Variants in DMTN observed in about 807,000 individuals in gnomAD.
The protein encoded by DMTN is dematin actin binding protein, also known as dematin.
A neutral mutation model predicts 59.4 loss-of-function variants in DMTN; 27 were observed. That is an observed-to-expected ratio of 0.45 (90% confidence interval 0.33 to 0.63). DMTN has a LOEUF of 0.63. DMTN is among the 20% of genes least tolerant of loss of function. The pLI, the probability that DMTN is intolerant of heterozygous loss-of-function variation, is 0.02. For synonymous variants in DMTN, 221 were observed against 203.7 expected, an observed-to-expected ratio of 1.08 and a Z score of -0.72; for missense variants, 451 against 528.9, an observed-to-expected ratio of 0.85 and a Z score of 1.45.
chr8:22,080,587 G>C, intron 12 of DMTN, 31 bp from the exon 13 acceptor site: 1 of 1,611,712 alleles, frequency 6.2e-7, no homozygotes, highest in Non-Finnish European at 8.5e-7. Context: ...CCTCAGAGCT[G>C]CATCTGACCC....
intron 14 of DMTN, 35 bp from the exon 15 acceptor site, chr8:22,081,078 T>C (rs772270424): frequency 6.3e-7 from 1 of 1,585,394 alleles, no homozygotes; most frequent in Admixed American, 1.7e-5. Context: ...CAGGATATTC[T>C]GTGAGCCTAA....
At chr8:22,054,980 T>A (rs912008979), upstream of DMTN, 1 of 152,818 alleles carries the variant, frequency 6.5e-6, no homozygotes, top group Non-Finnish European at 1.5e-5. Flanking sequence ...GCTGCTGCGC[T>A]CCTGCCCCAC....
intron 6 of DMTN, 82 bp from the exon 7 acceptor site, chr8:22,069,799 C>T (rs2131042797): frequency 6.6e-7 from 1 of 1,510,006 alleles, no homozygotes; most frequent in South Asian, 1.1e-5. Flanking sequence ...CCACCTTGTC[C>T]CGTTCCATCA....
At position 22,079,273 on chromosome 8, in the gene DMTN, A is replaced by ATAT. The variant is rs1554562329; in HGVS notation, c.836-907_836-906insTAT. Among the ~76,000 whole-genome samples the ATAT allele has an allele frequency of 1.4e-3, 40 of 28,568 alleles. 1 individual carries two copies. Among genetic ancestry groups the ATAT allele is most frequent in the African/African-American group, 3.8e-3 (38 of 10,006 alleles). The allele number at this position is 28,568 out of a possible 152,430, so 18.7% of individuals were successfully genotyped here. ...AAAAATAAAAATAAATAAATAAATA[A>ATAT]ATAAATATATATATATATATATATA... On this transcript the variant is annotated intron_variant, in intron 10 of 15. Transcript: ENST00000358242.
In DMTN at chr8:22,067,686, A is replaced by T; in HGVS notation, c.249+4A>T. The T allele has an allele frequency of 6.2e-7, 1 of 1,613,430 alleles. No homozygotes were observed. Among genetic ancestry groups the T allele is most frequent in the African/African-American group, 1.3e-5 (1 of 75,034 alleles). ...GGAGCTGCCTCGCAGCCGCGAGGTGAGGGGGCTCCTCTTGGGCAGGACTCC... is the reference window on the plus strand; with the variant it reads ...GGAGCTGCCTCGCAGCCGCGAGGTGTGGGGGCTCCTCTTGGGCAGGACTCC... On this transcript the variant is annotated splice_donor_region_variant and intron_variant, in intron 4 of 15. Coordinates refer to ENST00000358242, the MANE Select transcript of DMTN (RefSeq NM_001387751.1).
At chr8:22,073,658 AAAAAAAAAAAGAG>A (rs1396729523) in intron 9 of DMTN, 59 bp from the exon 10 acceptor site, 47 of 656,268 alleles carry the variant, frequency 7.2e-5, no homozygotes, top group African/African-American at 1.5e-4. Flanking sequence ...AAAAAGAAAG[AAAAAAAAAAAGAG>A]AAAAAAGAAA....
chr8:22,069,219 C>A (rs1037862024), intron 5 of DMTN, 159 bp downstream of exon 5: 2 of 957,976 alleles, frequency 2.1e-6, no homozygotes, highest in East Asian at 5.4e-5. Flanking sequence ...ATCATTCTGT[C>A]GGACCCAGGA....
chr8:22,079,627 C>T (rs1250037620), intron 10 of DMTN, among the ~76,000 whole-genome samples: 2 of 151,558 alleles, frequency 1.3e-5, no homozygotes, highest in African/African-American at 2.4e-5. Context: ...TGGCCGGGCA[C>T]GGTGTATTTT....
intron 1 of DMTN, among the ~76,000 whole-genome samples, chr8:22,064,583 T>A (rs1052798067): frequency 6.6e-6 from 1 of 152,108 alleles, no homozygotes; most frequent in East Asian, 1.9e-4. Context: ...CTCAGCCTCC[T>A]GAGTAGCTGG....
chr8:22,057,542 C>T (rs895852552), intron 1 of DMTN, among the ~76,000 whole-genome samples: 11 of 152,154 alleles, frequency 7.2e-5, no homozygotes, highest in Non-Finnish European at 4.4e-5. Flanking sequence ...GGGGTTGGAG[C>T]AGTACATTTA....
chr8:22,062,258 T>A (rs1807116962), intron 1 of DMTN, among the ~76,000 whole-genome samples: 1 of 150,140 alleles, frequency 6.7e-6, no homozygotes. Flanking sequence ...CCCAGCTAAT[T>A]AAAAAAAAAA....
chr8:22,076,713 G>T (rs1296897166), intron 10 of DMTN, among the ~76,000 whole-genome samples: 3 of 151,638 alleles, frequency 2.0e-5, no homozygotes, highest in Non-Finnish European at 4.4e-5. Flanking sequence ...ACTATTTTGG[G>T]TGACACCTGG....
intron 1 of DMTN, among the ~76,000 whole-genome samples, chr8:22,065,679 C>T (rs1192316802): frequency 6.6e-6 from 1 of 152,064 alleles, no homozygotes; most frequent in Non-Finnish European, 1.5e-5. Context: ...CCCATCGCTA[C>T]TGAAAATACA....
rs528871082 is a variant in DMTN, at chr8:22,059,804, G to A, written c.-172+2668G>A. 4.6e-5 allele frequency among the ~76,000 whole-genome samples: 7 copies of A among 152,330 alleles called. No individual in the cohort carries two copies. The South Asian group carries it at 1.0e-3, about 23-fold the overall frequency. ...AGCTAGACCAGGGGCCCTCCACCCC[G>A]AAGTTGCCATTCTGCCTGCGGAGGC... On this transcript the variant is annotated intron_variant, in intron 1 of 15. Coordinates refer to ENST00000358242, the MANE Select transcript of DMTN (RefSeq NM_001387751.1).
rs1811009534 is a variant in DMTN at position 22,066,829 on chromosome 8, C to T, written c.-47C>T. The stretch of plus-strand genomic sequence containing the variant: ...AGCCTGACACGCTGTCCTCTCCCCT[C>T]GCGCACAGGGCTCTGCGAGTGACCC... On this transcript the variant is annotated 5_prime_UTR_variant, in exon 2 of 16. Coordinates refer to ENST00000358242, the MANE Select transcript of DMTN (RefSeq NM_001387751.1). 9 of 1,424,168 alleles carry T rather than the reference C, an allele frequency of 6.3e-6. No individual in the cohort carries two copies. The highest frequency in any genetic ancestry group is 5.5e-5 in the South Asian group (4 of 73,026). The allele number at this position is 1,424,168 out of a possible 1,614,324, so 88.2% of individuals were successfully genotyped here.
Position 22,082,398 on chromosome 8 carries a change from T to C in DMTN, c.*935T>C. ...TCCAGTCCACGTGTGTATATAATGATATCTATATTTTTGCCCAGGTCTGGG... is the reference window on the plus strand; with the variant it reads ...TCCAGTCCACGTGTGTATATAATGACATCTATATTTTTGCCCAGGTCTGGG... On this transcript the variant is annotated 3_prime_UTR_variant, in exon 16 of 16. Transcript: ENST00000358242. 2.8e-6 allele frequency: 1 copy of C among 361,268 alleles called. No homozygotes were observed. The highest frequency in any genetic ancestry group is 5.6e-6 in the Non-Finnish European group (1 of 179,662). The allele number at this position is 361,268 out of a possible 1,614,324, so 22.4% of individuals were successfully genotyped here. A position where few individuals can be genotyped will look rare whatever the true frequency, so the allele number is the denominator to read the frequency against.
chr8:22,052,411 GGAGA>G (rs1464782387), upstream of DMTN, among the ~76,000 whole-genome samples: 1 of 152,208 alleles, frequency 6.6e-6, no homozygotes, highest in East Asian at 1.9e-4. Flanking sequence ...GGCAGAGGCA[GGAGA>G]GAGGCCAGAA....
Position 22,081,726 on chromosome 8 carries a change from T to C in DMTN, c.*263T>C. Reference sequence around the variant, plus strand: ...TGGGCTCTGGCACACAGAGTTCATGTTTGCGCCCTCTCCCTGCCCCTCACC... The same window carrying C: ...TGGGCTCTGGCACACAGAGTTCATGCTTGCGCCCTCTCCCTGCCCCTCACC... On this transcript the variant is annotated 3_prime_UTR_variant, in exon 16 of 16. Transcript: ENST00000358242. The C allele has an allele frequency of 1.8e-6, 1 of 566,420 alleles. No homozygotes were observed. The allele number at this position is 566,420 out of a possible 1,614,324, so 35.1% of individuals were successfully genotyped here. A position where few individuals can be genotyped will look rare whatever the true frequency, so the allele number is the denominator to read the frequency against.
chr8:22,069,360 G>C, intron 5 of DMTN, 59 bp from the exon 6 acceptor site: 1 of 1,416,064 alleles, frequency 7.1e-7, no homozygotes, highest in Non-Finnish European at 9.8e-7. Context: ...AGCTGATGGG[G>C]TGCATGTGTG....
Sources: gnomAD v4.1 joint callset for allele counts (sites outside exome capture counted in the v4.1 genomes callset) on GRCh38, gnomAD v4.1.1 for gene constraint, MANE v1.5 for transcripts, NCBI Gene and HGNC (gene_info 2026-07-23, HGNC 2026-07-21) for gene names.